MINDY2: variants seen among roughly 807,000 people sequenced by gnomAD.
MINDY2 encodes the protein MINDY lysine 48 deubiquitinase 2.
MINDY2 carries 52 observed loss-of-function variants against 68.2 expected under a neutral mutation model. The ratio of observed to expected loss-of-function variants is 0.76; its 90% confidence interval spans 0.61 to 0.96. The LOEUF (loss-of-function observed/expected upper bound fraction) is 0.96, where lower values mean the gene tolerates loss of function less well. Ranked by LOEUF, MINDY2 falls within the 40% of genes least tolerant of loss-of-function variation. MINDY2 has a pLI of 0.00. For synonymous variants in MINDY2, 372 were observed against 303.0 expected, an observed-to-expected ratio of 1.23 and a Z score of -2.36; for missense variants, 881 against 773.4, an observed-to-expected ratio of 1.14 and a Z score of -1.65.
At chr15:58,812,469 T>G (rs2030354661) in intron 4 of MINDY2, among the ~76,000 whole-genome samples, 1 of 150,986 alleles carries the variant, frequency 6.6e-6, no homozygotes, top group Non-Finnish European at 1.5e-5. Flanking sequence ...TAAAGAATGA[T>G]CCCTCATACC....
chr15:58,809,048 A>G (rs1024644503), intron 3 of MINDY2, among the ~76,000 whole-genome samples: 1 of 152,178 alleles, frequency 6.6e-6, no homozygotes, highest in Middle Eastern at 3.2e-3. Context: ...CCGTCTCTAC[A>G]AAATATCAAA....
intron 5 of MINDY2, among the ~76,000 whole-genome samples, chr15:58,827,100 T>C (rs1220163501): frequency 6.6e-6 from 1 of 152,252 alleles, no homozygotes; most frequent in Non-Finnish European, 1.5e-5. Flanking sequence ...CATTGTGTCT[T>C]TCCCAGTGCA....
At chr15:58,811,977 A>G (rs1198628802) in intron 4 of MINDY2, among the ~76,000 whole-genome samples, 1 of 152,242 alleles carries the variant, frequency 6.6e-6, no homozygotes, top group Non-Finnish European at 1.5e-5. Flanking sequence ...AAATTTCAAA[A>G]TAATATTAGT....
rs755598950 is a variant in MINDY2 at position 58,771,879 on chromosome 15, AG to A, written c.485del (p.Ser162ThrfsTer120). The A allele has an allele frequency of 6.4e-7, 1 of 1,574,198 alleles. No homozygotes were observed. Among genetic ancestry groups the A allele is most frequent in the African/African-American group, 1.4e-5 (1 of 73,574 alleles). ...CGCCGGCGGCCTCAGCAGCAGTTGC[AG>A]CGACCCGAGCCCTCCTGGGGAATCT... ...SSAGGLSSSC[S>X]DPSPPGESPS... On this transcript the variant is annotated frameshift_variant, in exon 1 of 9. Coordinates refer to ENST00000559228, the MANE Select transcript of MINDY2 (RefSeq NM_001040450.3). LOFTEE classifies it high-confidence loss of function.
rs1391775758 is a variant in MINDY2, at chr15:58,803,968, A to C, written c.963+1591A>C. On this transcript the variant is annotated intron_variant, in intron 3 of 8. Transcript: ENST00000559228. ...CTGAAAAAAAAAAAAAAAAAAAAAAAATACAAAAAATTAGCCAGGCGTGGT... is the reference window on the plus strand; with the variant it reads ...CTGAAAAAAAAAAAAAAAAAAAAAACATACAAAAAATTAGCCAGGCGTGGT... 1.1e-3 allele frequency among the ~76,000 whole-genome samples: 166 copies of C among 147,600 alleles called. 1 individual carries two copies. Among genetic ancestry groups the C allele is most frequent in the African/African-American group, 3.8e-3 (149 of 39,398 alleles).
chr15:58,789,150 A>T (rs1901712685), intron 2 of MINDY2, among the ~76,000 whole-genome samples: 2 of 152,256 alleles, frequency 1.3e-5, no homozygotes, highest in Admixed American at 1.3e-4. Context: ...ATCCTGGCTA[A>T]CACGGTGAAA....
Position 58,791,013 on chromosome 15 carries a change from A to C in MINDY2, c.898+3050A>C, listed in dbSNP as rs577461845. 2.4e-4 allele frequency among the ~76,000 whole-genome samples: 37 copies of C among 151,628 alleles called. 3 individuals are homozygous for C. The South Asian group carries it at 7.5e-3, about 31-fold the overall frequency. The stretch of plus-strand genomic sequence containing the variant: ...GCTAACACGGTGAAACCCCATCTCC[A>C]CTAAAAAATACAAAAAATTAGCTGG... On this transcript the variant is annotated intron_variant, in intron 2 of 8. Transcript: ENST00000559228.
intron 6 of MINDY2, among the ~76,000 whole-genome samples, chr15:58,837,902 G>A (rs1217741317): frequency 1.4e-5 from 2 of 140,426 alleles, no homozygotes; most frequent in Admixed American, 7.7e-5. Context: ...CCAGGAGATC[G>A]AAGCTACAGT....
rs745894330 is a variant in MINDY2 at position 58,787,954 on chromosome 15, G to A, written c.889G>A (p.Glu297Lys). ...AATCATAACTGCTGAGCAGCTGATG[G>A]AATATTTAGGTTAGTGTTGAAAAGT... The part of the protein sequence containing the change: ...MEIITAEQLM[E>K]YLGDYMLDAK... Residue 297 changes from glutamate (E) to lysine (K), a missense_variant, in exon 2 of 9, where the codon GAA becomes AAA. Glu to Lys is a moderately conservative substitution (Grantham distance 56). Coordinates refer to ENST00000559228, the MANE Select transcript of MINDY2 (RefSeq NM_001040450.3). 1 of 1,585,734 alleles carries A rather than the reference G, an allele frequency of 6.3e-7. No individual in the cohort carries two copies. The highest frequency in any genetic ancestry group is 8.6e-7 in the Non-Finnish European group (1 of 1,167,894).
At chr15:58,777,375 A>G (rs1205539532) in intron 1 of MINDY2, among the ~76,000 whole-genome samples, 1 of 152,236 alleles carries the variant, frequency 6.6e-6, no homozygotes, top group African/African-American at 2.4e-5. Flanking sequence ...GAGTAAGTGT[A>G]GTGGTTCTGG....
chr15:58,843,979 CAATT>C (rs550226199), intron 6 of MINDY2, among the ~76,000 whole-genome samples: 10 of 150,808 alleles, frequency 6.6e-5, no homozygotes, highest in East Asian at 2.0e-4. Context: ...AACTAATACA[CAATT>C]AAGAATTTAA....
At chr15:58,795,409 TTTG>T (rs1286092673) in intron 2 of MINDY2, among the ~76,000 whole-genome samples, 3 of 151,952 alleles carry the variant, frequency 2.0e-5, no homozygotes, top group Non-Finnish European at 4.4e-5. Context: ...GTTATTTTGT[TTTG>T]TTTTGTTTTT....
At chr15:58,811,180 C>T (rs1346618961) in intron 4 of MINDY2, among the ~76,000 whole-genome samples, 1 of 152,200 alleles carries the variant, frequency 6.6e-6, no homozygotes, top group Non-Finnish European at 1.5e-5. Flanking sequence ...AAGGTCAAAC[C>T]TCTCTTTGGG....
intron 1 of MINDY2, among the ~76,000 whole-genome samples, chr15:58,785,460 G>C (rs572047225): frequency 6.6e-6 from 1 of 152,258 alleles, no homozygotes; most frequent in South Asian, 2.1e-4. Flanking sequence ...TACTGTCTCT[G>C]CTGCACAAAT....
Position 58,856,684 on chromosome 15 carries a change from T to C in MINDY2, c.*2074T>C, listed in dbSNP as rs780617990. The stretch of plus-strand genomic sequence containing the variant: ...GACCTCAATCCAAGTTTACTCTTGA[T>C]ATCACTCTGTTGGCTGAAGGAGGTA... On this transcript the variant is annotated 3_prime_UTR_variant, in exon 9 of 9. Coordinates refer to ENST00000559228, the MANE Select transcript of MINDY2 (RefSeq NM_001040450.3). 1.3e-5 allele frequency: 2 copies of C among 152,234 alleles called. No individual in the cohort carries two copies. Among genetic ancestry groups the C allele is most frequent in the African/African-American group, 2.4e-5 (1 of 41,462 alleles). 9.4% of individuals were successfully genotyped at this position (152,234 alleles called of 1,614,324 possible). A position where few individuals can be genotyped will look rare whatever the true frequency, so the allele number is the denominator to read the frequency against.
chr15:58,842,075 T>TAG (rs1440877341), intron 6 of MINDY2, among the ~76,000 whole-genome samples: 1 of 152,048 alleles, frequency 6.6e-6, no homozygotes, highest in East Asian at 1.9e-4. Flanking sequence ...ACATAGCTTC[T>TAG]AGATCTTTGG....
chr15:58,853,246 C>A (rs1472887873), intron 8 of MINDY2, among the ~76,000 whole-genome samples: 4 of 151,982 alleles, frequency 2.6e-5, no homozygotes, highest in African/African-American at 9.7e-5. Flanking sequence ...AGGCACCACG[C>A]CTGGCCTAAA....
chr15:58,813,355 T>G (rs1027321944), intron 4 of MINDY2, among the ~76,000 whole-genome samples: 43 of 152,028 alleles, frequency 2.8e-4, no homozygotes, highest in African/African-American at 9.2e-4. Context: ...ATCAGCTGGC[T>G]GTCATGGCAT....
intron 7 of MINDY2, among the ~76,000 whole-genome samples, chr15:58,851,136 G>A (rs1262564181): frequency 1.3e-5 from 2 of 151,848 alleles, no homozygotes; most frequent in African/African-American, 2.4e-5. Flanking sequence ...ACCACACCTG[G>A]CTAATTTTTG....
Sources: gnomAD v4.1 joint callset for allele counts (sites outside exome capture counted in the v4.1 genomes callset) on GRCh38, gnomAD v4.1.1 for gene constraint, MANE v1.5 for transcripts, NCBI Gene and HGNC (gene_info 2026-07-23, HGNC 2026-07-21) for gene names.